Variants in PHYHIP observed in about 807,000 individuals in gnomAD.
PHYHIP encodes phytanoyl-CoA hydroxylase-interacting protein.
PHYHIP carries 7 observed loss-of-function variants against 26.1 expected under a neutral mutation model. The ratio of observed to expected loss-of-function variants is 0.27; its 90% CI spans 0.15 to 0.50. PHYHIP has a LOEUF of 0.50. PHYHIP is among the 20% of genes least tolerant of loss of function. The pLI is 0.98. For synonymous variants in PHYHIP, 206 were observed against 183.4 expected (o/e 1.12, Z -1.00); for missense variants, 232 against 454.7 (o/e 0.51, Z 4.45).
chr8:22,221,264 A>C lies in PHYHIP; in HGVS notation c.*89T>G. On this transcript the variant is annotated 3_prime_UTR_variant, in exon 5 of 5. Transcript: ENST00000454243. The surrounding 1 kb of genome is among the most constrained non-coding windows in gnomAD (Gnocchi z 7.9). Reference sequence around the variant, plus strand: ...GGCAGAGTGGAGGGAGCAGGGGGGCAGGAGAGAGAAAGCCAGCTCCCTGAA... The same window carrying C: ...GGCAGAGTGGAGGGAGCAGGGGGGCCGGAGAGAGAAAGCCAGCTCCCTGAA... 121 of 1,200,092 alleles carry C rather than the reference A, an allele frequency of 1.0e-4. No individual in the cohort carries two copies. Among genetic ancestry groups the C allele is most frequent in the Middle Eastern group, 2.9e-4 (1 of 3,426 alleles). The allele number at this position is 1,200,092 out of a possible 1,614,324, so 74.3% of individuals were successfully genotyped here.
rs115667525 is a variant in PHYHIP at position 22,229,406 on chromosome 8, C to T, written c.-29-1020G>A. Among the ~76,000 whole-genome samples, 1,493 of 152,284 alleles carry T rather than the reference C, an allele frequency of 9.8e-3. 11 individuals are homozygous for T. The highest frequency in any genetic ancestry group is 0.02 in the African/African-American group (834 of 41,536). On this transcript the variant is annotated intron_variant, in intron 1 of 4. Transcript: ENST00000454243. ...CTTTCAAGCAACTGCATTTTCTCTC[C>T]CCTCCCTGTCTTACTCCTTTGGTTC...
chr8:22,229,426 TG>T (rs1175193050), intron 1 of PHYHIP, among the ~76,000 whole-genome samples: 3 of 152,200 alleles, frequency 2.0e-5, no homozygotes, highest in Non-Finnish European at 4.4e-5. Flanking sequence ...CTTACTCCTT[TG>T]GTTCTCCCCT....
At chr8:22,231,118 C>T (rs539803811) in intron 1 of PHYHIP, among the ~76,000 whole-genome samples, 4 of 152,228 alleles carry the variant, frequency 2.6e-5, no homozygotes, top group African/African-American at 4.8e-5. Context: ...CAGGTTTGTG[C>T]ACCTACGTGG....
In PHYHIP at chr8:22,224,210, G is replaced by A. The variant is rs769117627; in HGVS notation, c.458+16C>T. On this transcript the variant is annotated intron_variant, in intron 4 of 4. Coordinates refer to ENST00000454243, the MANE Select transcript of PHYHIP (RefSeq NM_014759.5). The stretch of plus-strand genomic sequence containing the variant: ...GGAGAGGCCCGGCGGGTCCAGCCGG[G>A]AGCCCGCGCCCATACCTGGCATGCT... 3.4e-6 allele frequency: 5 copies of A among 1,488,526 alleles called. No individual in the cohort carries two copies. The highest frequency in any genetic ancestry group is 1.4e-5 in the African/African-American group (1 of 72,632). The allele number at this position is 1,488,526 out of a possible 1,614,324, so 92.2% of individuals were successfully genotyped here. A position where few individuals can be genotyped will look rare whatever the true frequency, so the allele number is the denominator to read the frequency against.
intron 2 of PHYHIP, chr8:22,227,696 G>T (rs765808042): frequency 6.6e-6 from 3 of 456,486 alleles, no homozygotes; most frequent in African/African-American, 6.0e-5. Context: ...CAAATGGCAG[G>T]CCAGCAGGTG....
chr8:22,228,332 C>T lies in PHYHIP; in HGVS notation c.26G>A (p.Ser9Asn), dbSNP rs1829793470. 1 of 1,604,478 alleles carries T rather than the reference C, an allele frequency of 6.2e-7. No individual in the cohort carries two copies. The highest frequency in any genetic ancestry group is 8.5e-7 in the Non-Finnish European group (1 of 1,175,882). MELLSTPH[S>N]IEINNITCDS... ...GCAGGTGATGTTGTTGATCTCAATG[C>T]TGTGGGGCGTGGACAGCAGCTCCAT... Residue 9 changes from serine to asparagine, a missense_variant, in exon 2 of 5, where the codon AGC becomes AAC. Ser to Asn is a conservative substitution (Grantham distance 46, BLOSUM62 1). Transcript: ENST00000454243.
In PHYHIP at chr8:22,232,035, C is replaced by G. The variant is rs1829879606; in HGVS notation, c.-269G>C. 6.5e-6 allele frequency: 1 copy of G among 153,488 alleles called. No individual in the cohort carries two copies. Among genetic ancestry groups the G allele is most frequent in the Non-Finnish European group, 1.5e-5 (1 of 68,116 alleles). 9.5% of individuals were successfully genotyped at this position (153,488 alleles called of 1,614,324 possible). On this transcript the variant is annotated 5_prime_UTR_variant, in exon 1 of 5. Transcript: ENST00000454243. ...AGACGATGTTCCCAGCTGAGCAGCG[C>G]AAGAAGAGAGGCAAGAGCGAAATCA...
rs567770599 is a variant in PHYHIP, at chr8:22,221,196, C to T, written c.*157G>A. 3.5e-4 allele frequency: 237 copies of T among 669,752 alleles called. No homozygotes were observed. In the South Asian group the frequency reaches 5.0e-3, roughly 14 times the overall value. The allele number at this position is 669,752 out of a possible 1,614,324, so 41.5% of individuals were successfully genotyped here. ...GGGCCACACTTACCAAGAGGACCAC[C>T]GTCTGTTGCCTCCAATGCCAAGGGG... is the stretch of plus-strand genomic sequence containing the variant. On this transcript the variant is annotated 3_prime_UTR_variant, in exon 5 of 5. Transcript: ENST00000454243. The surrounding 1 kb of genome is among the most constrained non-coding windows in gnomAD (Gnocchi z 7.9).
At position 22,226,949 on chromosome 8, in the gene PHYHIP, C is replaced by A; in HGVS notation, c.242G>T (p.Arg81Leu). ...TVRGHWFLSPRTEYSVAVQTA... is the reference protein window; with the variant it reads ...TVRGHWFLSPLTEYSVAVQTA... ...CTGCACGGCCACACTGTACTCCGTG[C>A]GGGGGCTCAGGAACCAGTGGCCTCT... is the stretch of plus-strand genomic sequence containing the variant. The change falls in exon 3 of 5, where the codon CGC becomes CTC. Residue 81 changes from arginine to leucine, a missense_variant. Physicochemically the swap from Arg to Leu is moderately radical, Grantham distance 102. Coordinates refer to ENST00000454243, the MANE Select transcript of PHYHIP (RefSeq NM_014759.5). 1 of 1,613,992 alleles carries A rather than the reference C, an allele frequency of 6.2e-7. No homozygotes were observed. The highest frequency in any genetic ancestry group is 8.5e-7 in the Non-Finnish European group (1 of 1,180,006).
chr8:22,227,259 G>A (rs555723782), intron 2 of PHYHIP, among the ~76,000 whole-genome samples: 1 of 152,338 alleles, frequency 6.6e-6, no homozygotes, highest in South Asian at 2.1e-4. Context: ...TCTTGGGAAC[G>A]GAGGGGAAAA....
At chr8:22,230,583 C>T (rs1211926259) in intron 1 of PHYHIP, among the ~76,000 whole-genome samples, 1 of 152,122 alleles carries the variant, frequency 6.6e-6, no homozygotes, top group Non-Finnish European at 1.5e-5. Context: ...CCGAGAAACA[C>T]CCACACTCCT....
At chr8:22,227,227 G>A (rs1295951135) in intron 2 of PHYHIP, among the ~76,000 whole-genome samples, 1 of 152,120 alleles carries the variant, frequency 6.6e-6, no homozygotes, top group East Asian at 1.9e-4. Context: ...GCCCCTCCTC[G>A]AACCCCCCTG....
At position 22,228,292 on chromosome 8, in the gene PHYHIP, G is replaced by C; in HGVS notation, c.66C>G (p.Ile22Met). The change falls in exon 2 of 5, where the codon ATC becomes ATG. Residue 22 changes from isoleucine (I) to methionine (M), a missense_variant. By Grantham distance (10) the Ile-to-Met change is conservative. Coordinates refer to ENST00000454243, the MANE Select transcript of PHYHIP (RefSeq NM_014759.5). ...GGTCACTGTCCTCCATGGCCCAGGA[G>C]ATGCGGAAGGAGTCGCAGGTGATGT... is the stretch of plus-strand genomic sequence containing the variant. ...INNITCDSFR[I>M]SWAMEDSDLE... is the part of the protein sequence containing the mutation. 6.2e-7 allele frequency: 1 copy of C among 1,612,408 alleles called. No homozygotes were observed. Among genetic ancestry groups the C allele is most frequent in the Non-Finnish European group, 8.5e-7 (1 of 1,179,512 alleles).
chr8:22,224,015 C>G lies in PHYHIP; in HGVS notation c.458+211G>C, dbSNP rs557478904. On this transcript the variant is annotated intron_variant, in intron 4 of 4. Transcript: ENST00000454243. ...TTAGTACAACACTCTTGCAGAAGGCCCTGTCCCCAGAGCCCTTGATCTTCC... is the reference window on the plus strand; with the variant it reads ...TTAGTACAACACTCTTGCAGAAGGCGCTGTCCCCAGAGCCCTTGATCTTCC... The G allele has an allele frequency of 7.3e-6, 4 of 550,508 alleles. No individual in the cohort carries two copies. In the South Asian group the frequency reaches 8.3e-5, roughly 11 times the overall value. The allele number at this position is 550,508 out of a possible 1,614,324, so 34.1% of individuals were successfully genotyped here.
At chr8:22,225,640 C>CAAAAAAAAAAAAAA (rs57092360) in intron 3 of PHYHIP, among the ~76,000 whole-genome samples, 2 of 127,972 alleles carry the variant, frequency 1.6e-5, no homozygotes, top group Admixed American at 8.0e-5. Context: ...ACTAAAAATA[C>CAAAAAAAAAAAAAA]AAAAAAAAAA....
At position 22,219,982 on chromosome 8, in the gene PHYHIP, C is replaced by A. The variant is rs988202206; in HGVS notation, c.*1371G>T. On this transcript the variant is annotated 3_prime_UTR_variant, in exon 5 of 5. Transcript: ENST00000454243. ...CTGGCTACAGATAGGTGACCGTTGT[C>A]CACCTGTCCCTCACCGAGGTATGGC... is the stretch of plus-strand genomic sequence containing the variant. 1 of 152,410 alleles carries A rather than the reference C, an allele frequency of 6.6e-6. No individual in the cohort carries two copies. The highest frequency in any genetic ancestry group is 2.4e-5 in the African/African-American group (1 of 41,478). The allele number at this position is 152,410 out of a possible 1,614,324, so 9.4% of individuals were successfully genotyped here. A position where few individuals can be genotyped will look rare whatever the true frequency, so the allele number is the denominator to read the frequency against.
chr8:22,223,137 C>T (rs908788525), intron 4 of PHYHIP, among the ~76,000 whole-genome samples: 5 of 151,580 alleles, frequency 3.3e-5, no homozygotes, highest in African/African-American at 7.3e-5. Context: ...CCGAGGTGGG[C>T]GGATCACCTG....
At chr8:22,230,810 T>G (rs1025118546) in intron 1 of PHYHIP, among the ~76,000 whole-genome samples, 36 of 152,064 alleles carry the variant, frequency 2.4e-4, no homozygotes, top group African/African-American at 8.2e-4. Context: ...GTCACCTCCA[T>G]GCACACCCAG....
At chr8:22,226,144 G>C (rs914763620) in intron 3 of PHYHIP, among the ~76,000 whole-genome samples, 1 of 152,164 alleles carries the variant, frequency 6.6e-6, no homozygotes, top group Non-Finnish European at 1.5e-5. Context: ...ATTTTCCCAG[G>C]CTACGTGAAG....
Sources: allele counts gnomAD v4.1 joint callset (sites outside exome capture counted in the v4.1 genomes callset), GRCh38; gene constraint gnomAD v4.1.1; non-coding constraint Gnocchi (gnomAD v3.1); transcripts MANE v1.5; gene names NCBI Gene and HGNC (gene_info 2026-07-23, HGNC 2026-07-21).